PTPRN2: variants seen among roughly 807,000 people sequenced by gnomAD.
The protein encoded by PTPRN2 is receptor-type tyrosine-protein phosphatase N2.
In PTPRN2, 74 loss-of-function variants were observed where a neutral mutation model predicts 118.8. The observed-to-expected ratio is 0.62, with a 90% CI of 0.52 to 0.76. PTPRN2 has a LOEUF of 0.76. Ranked by LOEUF, PTPRN2 falls within the 30% of genes least tolerant of loss-of-function variation. The probability of loss-of-function intolerance (pLI) is 0.00; values close to 1 mark genes in which losing one functional copy is unlikely to be tolerated. For synonymous variants in PTPRN2, 641 were observed against 608.0 expected (o/e 1.05, Z -0.80); for missense variants, 1,481 against 1,394.4 (o/e 1.06, Z -0.99).
chr7:157,755,014 G>A (rs1801696168), intron 12 of PTPRN2, among the ~76,000 whole-genome samples: 1 of 152,126 alleles, frequency 6.6e-6, no homozygotes, highest in African/African-American at 2.4e-5. Flanking sequence ...GCCTCCTGAG[G>A]AGCTGGGACT....
At chr7:158,521,012 C>T (rs1418223425) in intron 1 of PTPRN2, among the ~76,000 whole-genome samples, 2 of 152,236 alleles carry the variant, frequency 1.3e-5, no homozygotes, top group Non-Finnish European at 2.9e-5. Context: ...TCTTATCTCT[C>T]CCACAGCAGG....
chr7:158,008,863 A>G (rs1252793033), intron 11 of PTPRN2, among the ~76,000 whole-genome samples: 2 of 152,242 alleles, frequency 1.3e-5, no homozygotes, highest in Non-Finnish European at 2.9e-5. Context: ...TACTAAGTAC[A>G]TATGCTACTA....
At position 158,187,533 on chromosome 7, in the gene PTPRN2, C is replaced by T. The variant is rs1268398663; in HGVS notation, c.549+4794G>A. 6.0e-5 allele frequency among the ~76,000 whole-genome samples: 9 copies of T among 150,176 alleles called. No homozygotes were observed. In the East Asian group the frequency reaches 2.0e-3, roughly 33 times the overall value. On this transcript the variant is annotated intron_variant, in intron 5 of 22. Coordinates refer to ENST00000389418, the MANE Select transcript of PTPRN2 (RefSeq NM_002847.5). ...GCTGCAGCCTCTGGTCACGCACTTC[C>T]TGTGCTTATTCAGTCTTTGTTCATT...
chr7:158,440,362 C>T (rs1284793065), intron 2 of PTPRN2, among the ~76,000 whole-genome samples: 1 of 152,202 alleles, frequency 6.6e-6, no homozygotes, highest in Non-Finnish European at 1.5e-5. Flanking sequence ...GGTTCTAGCA[C>T]AGCTTCAGGC....
intron 14 of PTPRN2, among the ~76,000 whole-genome samples, chr7:157,643,873 T>C (rs1282002579): frequency 6.6e-6 from 1 of 152,220 alleles, no homozygotes; most frequent in Non-Finnish European, 1.5e-5. Context: ...GTCCGGGCTG[T>C]GGCAGGTGAC....
chr7:157,659,372 A>C (rs1585192983), intron 13 of PTPRN2, among the ~76,000 whole-genome samples: 1 of 44,270 alleles, frequency 2.3e-5, no homozygotes. Flanking sequence ...ACTGTGGGGA[A>C]GGGGGGGACG....
At position 158,054,922 on chromosome 7, in the gene PTPRN2, G is replaced by C. The variant is rs1809663905; in HGVS notation, c.1723+26376C>G. On this transcript the variant is annotated intron_variant, in intron 11 of 22. Transcript: ENST00000389418. ...CACGCCAGTGCCCAAGGTCAGGCCA[G>C]GTGGCCCCTGCCTGCTCCCCATCCT... Among the ~76,000 whole-genome samples the C allele has an allele frequency of 2.0e-5, 3 of 152,198 alleles. No individual in the cohort carries two copies. The South Asian group carries it at 6.2e-4, about 32-fold the overall frequency.
chr7:158,132,874 TAC>T (rs1370096140), intron 9 of PTPRN2, among the ~76,000 whole-genome samples: 1 of 151,984 alleles, frequency 6.6e-6, no homozygotes, highest in Non-Finnish European at 1.5e-5. Context: ...TACACTCATA[TAC>T]ACACACATAC....
chr7:158,123,945 G>T (rs547521075), intron 9 of PTPRN2, among the ~76,000 whole-genome samples: 1 of 150,380 alleles, frequency 6.6e-6, no homozygotes, highest in Non-Finnish European at 1.5e-5. Context: ...ATCCCGTGCC[G>T]ACCCAGGCGG....
intron 13 of PTPRN2, among the ~76,000 whole-genome samples, chr7:157,681,531 G>C (rs1265270331): frequency 6.6e-6 from 1 of 152,224 alleles, no homozygotes; most frequent in East Asian, 1.9e-4. Flanking sequence ...AAAACTGGAG[G>C]CTTCCTCCAT....
chr7:158,568,962 C>CA (rs1406126484), intron 1 of PTPRN2, among the ~76,000 whole-genome samples: 2 of 152,060 alleles, frequency 1.3e-5, no homozygotes, highest in Non-Finnish European at 2.9e-5. Context: ...CCCATCTCTA[C>CA]AAAAAATACA....
intron 3 of PTPRN2, among the ~76,000 whole-genome samples, chr7:158,281,545 G>T (rs1043601824): frequency 1.3e-4 from 20 of 152,222 alleles, no homozygotes; most frequent in African/African-American, 4.8e-4. Context: ...ATCCAGACTG[G>T]CTAAGAGCAC....
At chr7:158,385,259 C>G (rs558106198) in intron 2 of PTPRN2, among the ~76,000 whole-genome samples, 27 of 151,916 alleles carry the variant, frequency 1.8e-4, no homozygotes, top group African/African-American at 5.8e-4. Flanking sequence ...GGGAACAATT[C>G]CAGAGACAAG....
intron 3 of PTPRN2, among the ~76,000 whole-genome samples, chr7:158,253,606 C>T (rs955998359): frequency 5.9e-5 from 9 of 152,164 alleles, no homozygotes; most frequent in Non-Finnish European, 1.0e-4. Context: ...CCCCTCCCCT[C>T]GGCGGTGGTC....
intron 3 of PTPRN2, among the ~76,000 whole-genome samples, chr7:158,221,953 C>T (rs568603641): frequency 4.1e-4 from 62 of 152,162 alleles, no homozygotes; most frequent in African/African-American, 1.4e-3. Context: ...GACATAGAAG[C>T]GGCCAAGAAA....
chr7:158,129,191 C>T (rs1176891960), intron 9 of PTPRN2, among the ~76,000 whole-genome samples: 2 of 149,286 alleles, frequency 1.3e-5, no homozygotes, highest in Non-Finnish European at 3.0e-5. Flanking sequence ...ACGCCACACA[C>T]TACACACCAC....
Position 157,615,668 on chromosome 7 carries a change from A to T in PTPRN2, c.2344+5694T>A. On this transcript the variant is annotated intron_variant, in intron 15 of 22. Transcript: ENST00000389418. The surrounding 1 kb of genome is among the most constrained non-coding windows in gnomAD (Gnocchi z 4.3). Reference sequence around the variant, plus strand: ...TTTATCAATGACTTGACGACGTGAAAAACATGTTTATAAAACGAGCAGATG... The same window carrying T: ...TTTATCAATGACTTGACGACGTGAATAACATGTTTATAAAACGAGCAGATG... 2.2e-6 allele frequency: 1 copy of T among 460,138 alleles called. No homozygotes were observed. The highest frequency in any genetic ancestry group is 1.6e-5 in the South Asian group (1 of 64,262). 28.5% of individuals were successfully genotyped at this position (460,138 alleles called of 1,614,324 possible). A position where few individuals can be genotyped will look rare whatever the true frequency, so the allele number is the denominator to read the frequency against.
At chr7:157,823,025 T>G (rs927732123) in intron 12 of PTPRN2, among the ~76,000 whole-genome samples, 6 of 151,832 alleles carry the variant, frequency 4.0e-5, no homozygotes, top group Admixed American at 2.6e-4. Flanking sequence ...CACCCATCCA[T>G]CTTTCTATCC....
chr7:158,209,111 C>T (rs1827383117), intron 3 of PTPRN2, among the ~76,000 whole-genome samples: 1 of 125,750 alleles, frequency 8.0e-6, no homozygotes, highest in Non-Finnish European at 1.5e-5. Flanking sequence ...ATCACTTTCA[C>T]TTAAAAAAAA....
Sources: allele counts gnomAD v4.1 joint callset (sites outside exome capture counted in the v4.1 genomes callset), GRCh38; gene constraint gnomAD v4.1.1; non-coding constraint Gnocchi (gnomAD v3.1); transcripts MANE v1.5; gene names NCBI Gene and HGNC (gene_info 2026-07-23, HGNC 2026-07-21).